The following THAP5 variants were observed in gnomAD, a reference collection of about 807,000 sequenced individuals.
THAP5 encodes the protein THAP domain containing 5.
A neutral mutation model predicts 34.0 loss-of-function variants in THAP5; 26 were observed. The observed-to-expected ratio is 0.77, with a 90% CI of 0.56 to 1.06. THAP5 has a LOEUF of 1.06. Ranked by LOEUF, THAP5 falls within the 50% of genes least tolerant of loss-of-function variation. The probability of loss-of-function intolerance (pLI) is 0.00; values close to 1 mark genes in which losing one functional copy is unlikely to be tolerated. For synonymous variants in THAP5, 125 were observed against 153.0 expected (o/e 0.82, Z 1.35); for missense variants, 394 against 452.8 (o/e 0.87, Z 1.18).
chr7:108,559,629 T>G (rs1564008647), downstream of THAP5, among the ~76,000 whole-genome samples: 1 of 152,212 alleles, frequency 6.6e-6, no homozygotes, highest in African/African-American at 2.4e-5. Flanking sequence ...AACAAATACC[T>G]GAGACTGAGT....
downstream of THAP5, among the ~76,000 whole-genome samples, chr7:108,558,344 T>C (rs1864400629): frequency 1.4e-5 from 2 of 145,018 alleles, no homozygotes; most frequent in South Asian, 4.3e-4. Flanking sequence ...CACTTGTAGA[T>C]AGTTTTATGT....
At chr7:108,556,750 C>T (rs963719003) in intron 1 of THAP5, among the ~76,000 whole-genome samples, 26 of 152,188 alleles carry the variant, frequency 1.7e-4, no homozygotes, top group Middle Eastern at 3.2e-3. Context: ...ATTCTGGGGT[C>T]TAGAGGACAG....
rs1599016252 is a variant in THAP5, at chr7:108,569,644, A to C, written c.-75T>G. The C allele has an allele frequency of 6.5e-7, 1 of 1,528,930 alleles. No homozygotes were observed. Among genetic ancestry groups the C allele is most frequent in the Non-Finnish European group, 8.8e-7 (1 of 1,134,304 alleles). The allele number at this position is 1,528,930 out of a possible 1,614,324, so 94.7% of individuals were successfully genotyped here. On this transcript the variant is annotated 5_prime_UTR_variant, in exon 1 of 3. Coordinates refer to ENST00000415914, the MANE Select transcript of THAP5 (RefSeq NM_001130475.3). ...GCCCTCCTCACTGAGGATGCGCCAC[A>C]GGTCCAGGCCTCTCGAGCCCCTGCG...
At position 108,569,521 on chromosome 7, in the gene THAP5, T is replaced by C; in HGVS notation, c.49A>G (p.Asn17Asp). The C allele has an allele frequency of 6.4e-7, 1 of 1,551,794 alleles. No individual in the cohort carries two copies. Among genetic ancestry groups the C allele is most frequent in the Non-Finnish European group, 8.7e-7 (1 of 1,147,014 alleles). The change falls in exon 1 of 3, where the codon AAC becomes GAC. Residue 17 changes from asparagine to aspartate, a missense_variant. Coordinates refer to ENST00000415914, the MANE Select transcript of THAP5 (RefSeq NM_001130475.3). ...AAACTCAGCTTCCGGTCTTTATTGT[T>C]TCGTCCCCGGCGGTTCTTACAACAA... Reference protein sequence around the residue: ...AICCKNRRGRNNKDRKLSFYP... With the variant: ...AICCKNRRGRDNKDRKLSFYP...
chr7:108,555,216 G>A (rs989220501), intron 1 of THAP5, among the ~76,000 whole-genome samples: 1 of 151,578 alleles, frequency 6.6e-6, no homozygotes, highest in African/African-American at 2.4e-5. Context: ...CCCTGGGGGA[G>A]TGCAATGGTG....
At chr7:108,551,282 G>C (rs562168974), downstream of THAP5, among the ~76,000 whole-genome samples, 1 of 152,182 alleles carries the variant, frequency 6.6e-6, no homozygotes, top group Non-Finnish European at 1.5e-5. Context: ...AGTGTTGGGA[G>C]GTGGGGCTTT....
chr7:108,544,935 G>A, the THAP5 span, among the ~76,000 whole-genome samples: 1 of 152,158 alleles, frequency 6.6e-6, no homozygotes, highest in Admixed American at 6.5e-5. Context: ...ACAGGCATGA[G>A]CCACTACGCC....
downstream of THAP5, among the ~76,000 whole-genome samples, chr7:108,560,833 G>A (rs1489841561): frequency 3.3e-5 from 5 of 151,962 alleles, no homozygotes; most frequent in Non-Finnish European, 1.5e-5. Flanking sequence ...CTTGACCTAG[G>A]CTCAAGAGAT....
downstream of THAP5, among the ~76,000 whole-genome samples, chr7:108,561,068 C>G (rs1454803713): frequency 6.6e-6 from 1 of 152,092 alleles, no homozygotes; most frequent in Non-Finnish European, 1.5e-5. Flanking sequence ...TCCCGAGACC[C>G]TGGTTTGAGC....
At chr7:108,558,377 G>GTGTGTGTATATATATACA (rs1401164750), downstream of THAP5, among the ~76,000 whole-genome samples, 1 of 63,042 alleles carries the variant, frequency 1.6e-5, no homozygotes. Flanking sequence ...ATGTGTGTGT[G>GTGTGTGTATATATATACA]TATGTATATA....
chr7:108,552,006 C>T (rs776628072), downstream of THAP5, among the ~76,000 whole-genome samples: 25 of 152,094 alleles, frequency 1.6e-4, no homozygotes, highest in African/African-American at 5.1e-4. Flanking sequence ...GGAGGGTATA[C>T]ACTTGGTTGC....
intron 1 of THAP5, chr7:108,568,194 A>G (rs1201269046): frequency 6.6e-6 from 1 of 152,082 alleles, no homozygotes; most frequent in Non-Finnish European, 1.5e-5. Flanking sequence ...ATTGTGAATT[A>G]CTTGGGGTTA....
chr7:108,569,648 C>A lies in THAP5; in HGVS notation c.-79G>T. 3 of 1,518,234 alleles carry A rather than the reference C, an allele frequency of 2.0e-6. No individual in the cohort carries two copies. In the South Asian group the frequency reaches 3.6e-5, roughly 18 times the overall value. 94.0% of individuals were successfully genotyped at this position (1,518,234 alleles called of 1,614,324 possible). A position where few individuals can be genotyped will look rare whatever the true frequency, so the allele number is the denominator to read the frequency against. Reference sequence around the variant, plus strand: ...TCCTCACTGAGGATGCGCCACAGGTCCAGGCCTCTCGAGCCCCTGCGCCTG... The same window carrying A: ...TCCTCACTGAGGATGCGCCACAGGTACAGGCCTCTCGAGCCCCTGCGCCTG... On this transcript the variant is annotated 5_prime_UTR_variant, in exon 1 of 3. Transcript: ENST00000415914.
Position 108,569,617 on chromosome 7 carries a change from CG to C in THAP5, c.-49del, listed in dbSNP as rs1189625308. The stretch of plus-strand genomic sequence containing the variant: ...ACCGGGGCCGGCGACGGATGCAGGG[CG>C]GCCCTCCTCACTGAGGATGCGCCAC... On this transcript the variant is annotated 5_prime_UTR_variant, in exon 1 of 3. Transcript: ENST00000415914. 8 of 1,546,336 alleles carry C rather than the reference CG, an allele frequency of 5.2e-6. No homozygotes were observed. In the African/African-American group the frequency reaches 1.1e-4, roughly 21 times the overall value.
At chr7:108,558,095 GA>G (rs1320815675), downstream of THAP5, among the ~76,000 whole-genome samples, 1 of 151,912 alleles carries the variant, frequency 6.6e-6, no homozygotes. Flanking sequence ...CACGAGAATA[GA>G]AAGGGGAAAT....
exon 2 of THAP5, chr7:108,554,741 C>T (rs1302350904): frequency 2.0e-5 from 3 of 152,144 alleles, no homozygotes; most frequent in Admixed American, 2.0e-4. Flanking sequence ...ATTTGTGACT[C>T]AGAGAAATCA....
At chr7:108,565,152 C>A in intron 2 of THAP5, 47 bp from the exon 3 acceptor site, 1 of 1,385,016 alleles carries the variant, frequency 7.2e-7, no homozygotes, top group Non-Finnish European at 9.6e-7. Flanking sequence ...CTTTTATTGG[C>A]TTATTATGCT....
At chr7:108,566,787 A>G (rs1233334702) in intron 1 of THAP5, among the ~76,000 whole-genome samples, 1 of 152,210 alleles carries the variant, frequency 6.6e-6, no homozygotes, top group Admixed American at 6.5e-5. Context: ...TGTACCTGAC[A>G]ATAACCTGGA....
At chr7:108,561,156 C>T (rs544578564), downstream of THAP5, among the ~76,000 whole-genome samples, 7 of 152,352 alleles carry the variant, frequency 4.6e-5, no homozygotes, top group South Asian at 1.4e-3. Context: ...AGAACCCTAA[C>T]TCAAATCCTC....
Sources: allele counts gnomAD v4.1 joint callset (sites outside exome capture counted in the v4.1 genomes callset), GRCh38; gene constraint gnomAD v4.1.1; transcripts MANE v1.5; gene names NCBI Gene and HGNC (gene_info 2026-07-23, HGNC 2026-07-21).